The following CTNNAL1 variants were observed in gnomAD, a reference collection of about 807,000 sequenced individuals.
The protein encoded by CTNNAL1 is alpha-catulin.
Under a neutral mutation model 93.6 loss-of-function variants are expected in CTNNAL1, and 69 were observed. The ratio of observed to expected loss-of-function variants is 0.74; its 90% CI spans 0.61 to 0.90. The LOEUF (loss-of-function observed/expected upper bound fraction) is 0.90, where lower values mean the gene tolerates loss of function less well. CTNNAL1 is among the 40% of genes least tolerant of loss of function. The pLI is 0.00. For synonymous variants in CTNNAL1, 286 were observed against 305.4 expected (o/e 0.94, Z 0.66); for missense variants, 836 against 862.0 (o/e 0.97, Z 0.38).
intron 4 of CTNNAL1, among the ~76,000 whole-genome samples, chr9:108,987,118 A>C (rs1242960760): frequency 3.9e-5 from 6 of 152,076 alleles, no homozygotes; most frequent in Non-Finnish European, 8.8e-5. Context: ...CTATGTCCTG[A>C]ACGGTAATGC....
At chr9:109,006,621 CAG>C (rs1467978912) in intron 1 of CTNNAL1, among the ~76,000 whole-genome samples, 2 of 152,102 alleles carry the variant, frequency 1.3e-5, no homozygotes, top group African/African-American at 4.8e-5. Flanking sequence ...GCCCTGACAC[CAG>C]AGTCTAGAGA....
chr9:108,991,567 T>C (rs950105896), intron 3 of CTNNAL1, among the ~76,000 whole-genome samples: 1 of 152,162 alleles, frequency 6.6e-6, no homozygotes, highest in Non-Finnish European at 1.5e-5. Context: ...TATCCTCTGT[T>C]TACTTATTTT....
intron 11 of CTNNAL1, among the ~76,000 whole-genome samples, chr9:108,959,364 CAAAAAAAAAAAAAA>C (rs36116094): frequency 2.0e-3 from 112 of 55,844 alleles, no homozygotes; most frequent in African/African-American, 8.2e-3. Context: ...GACTCCATAT[CAAAAAAAAAAAAAA>C]AAAAAAAAAG....
At chr9:108,961,766 T>C (rs1830826009) in intron 11 of CTNNAL1, among the ~76,000 whole-genome samples, 1 of 152,218 alleles carries the variant, frequency 6.6e-6, no homozygotes, top group African/African-American at 2.4e-5. Context: ...GGGCAGGTAA[T>C]GTGCCCAGGA....
intron 1 of CTNNAL1, among the ~76,000 whole-genome samples, chr9:108,999,875 C>A (rs1248583074): frequency 1.2e-4 from 18 of 152,216 alleles, no homozygotes. Flanking sequence ...AAGGTGACAA[C>A]TTCAGCTCAC....
intron 8 of CTNNAL1, among the ~76,000 whole-genome samples, chr9:108,975,502 C>T (rs553605659): frequency 1.1e-3 from 170 of 152,182 alleles, no homozygotes; most frequent in Non-Finnish European, 1.9e-4. Context: ...TATGCCACAA[C>T]CTGACAAAAA....
At chr9:108,944,586 G>A (rs985826471) in intron 15 of CTNNAL1, among the ~76,000 whole-genome samples, 6 of 152,128 alleles carry the variant, frequency 3.9e-5, no homozygotes, top group African/African-American at 1.4e-4. Flanking sequence ...GGATGATGGA[G>A]AAGTAGAGTG....
chr9:108,965,689 A>G (rs936603058), intron 10 of CTNNAL1, among the ~76,000 whole-genome samples, 161 bp from the exon 11 acceptor site: 4 of 152,230 alleles, frequency 2.6e-5, no homozygotes, highest in African/African-American at 7.2e-5. Context: ...ATGAAGATGC[A>G]CAGTAGGACA....
intron 8 of CTNNAL1, 31 bp from the exon 9 acceptor site, chr9:108,972,864 G>GGCGCCCCCCC: frequency 2.8e-5 from 4 of 142,566 alleles, no homozygotes; most frequent in African/African-American, 9.6e-5. Context: ...GGGGGGGTGG[G>GGCGCCCCCCC]AGGGTGGAGA....
chr9:108,996,390 A>G (rs769716659), intron 2 of CTNNAL1, among the ~76,000 whole-genome samples: 11 of 152,184 alleles, frequency 7.2e-5, no homozygotes, highest in Non-Finnish European at 1.3e-4. Context: ...GAAGTCTTAA[A>G]TTTGTATGTG....
At chr9:108,999,011 C>A in intron 2 of CTNNAL1, 56 bp downstream of exon 2, 2 of 1,506,102 alleles carry the variant, frequency 1.3e-6, no homozygotes, top group South Asian at 2.8e-5. Context: ...AATTTTTCAT[C>A]ATAACCAAAG....
rs576355210 is a variant in CTNNAL1, at chr9:108,970,531, C to T, written c.1348-37G>A. The T allele has an allele frequency of 7.0e-5, 109 of 1,560,288 alleles. 2 individuals carry two copies. In the South Asian group the frequency reaches 1.2e-3, roughly 18 times the overall value. Reference sequence around the variant, plus strand: ...TATGTCTACAGTTTAACTTTCACATCCTCATCCTCCACAATACATAGTATC... The same window carrying T: ...TATGTCTACAGTTTAACTTTCACATTCTCATCCTCCACAATACATAGTATC... On this transcript the variant is annotated intron_variant, in intron 9 of 18. Coordinates refer to ENST00000325551, the MANE Select transcript of CTNNAL1 (RefSeq NM_003798.4).
At chr9:108,958,066 A>C (rs1205271914) in intron 11 of CTNNAL1, among the ~76,000 whole-genome samples, 2 of 115,118 alleles carry the variant, frequency 1.7e-5, no homozygotes, top group Non-Finnish European at 2.1e-5. Context: ...ACTGTCTCAA[A>C]AAAAAAAAAA....
intron 11 of CTNNAL1, among the ~76,000 whole-genome samples, chr9:108,956,117 A>G (rs555837491): frequency 6.6e-6 from 1 of 152,348 alleles, no homozygotes; most frequent in African/African-American, 2.4e-5. Flanking sequence ...ACTTGCAATC[A>G]GCTTCATTCA....
At chr9:108,967,166 GC>G (rs1357705384) in intron 10 of CTNNAL1, among the ~76,000 whole-genome samples, 1 of 152,130 alleles carries the variant, frequency 6.6e-6, no homozygotes, top group Non-Finnish European at 1.5e-5. Flanking sequence ...AAAAAATCAT[GC>G]TAGGTGCTGG....
rs532965752 is a variant in CTNNAL1 at position 108,995,258 on chromosome 9, A to C, written c.332-2439T>G. Reference sequence around the variant, plus strand: ...GGCAGGAGGAAAAGTATCAGTTTGCATCCTATCATTAATAGCTAAAAGGAT... The same window carrying C: ...GGCAGGAGGAAAAGTATCAGTTTGCCTCCTATCATTAATAGCTAAAAGGAT... On this transcript the variant is annotated intron_variant, in intron 2 of 18. Coordinates refer to ENST00000325551, the MANE Select transcript of CTNNAL1 (RefSeq NM_003798.4). 7.9e-5 allele frequency among the ~76,000 whole-genome samples: 12 copies of C among 152,342 alleles called. No homozygotes were observed. In the South Asian group the frequency reaches 2.5e-3, roughly 32 times the overall value.
At chr9:108,973,217 A>G (rs1464952902) in intron 8 of CTNNAL1, among the ~76,000 whole-genome samples, 1 of 152,140 alleles carries the variant, frequency 6.6e-6, no homozygotes, top group Non-Finnish European at 1.5e-5. Context: ...CTTTTCCCTT[A>G]GGTGAAAAAT....
At chr9:108,958,796 G>C (rs534490657) in intron 11 of CTNNAL1, among the ~76,000 whole-genome samples, 34 of 151,852 alleles carry the variant, frequency 2.2e-4, no homozygotes, top group Admixed American at 9.8e-4. Context: ...TGCAATCTCG[G>C]CTCACTGCAA....
At chr9:108,993,241 T>G (rs963904179) in intron 2 of CTNNAL1, among the ~76,000 whole-genome samples, 1 of 152,162 alleles carries the variant, frequency 6.6e-6, no homozygotes, top group South Asian at 2.1e-4. Flanking sequence ...TCACTGCCAA[T>G]CTCCACAAGC....
Sources: gnomAD v4.1 joint callset for allele counts (sites outside exome capture counted in the v4.1 genomes callset) on GRCh38, gnomAD v4.1.1 for gene constraint, MANE v1.5 for transcripts, NCBI Gene and HGNC (gene_info 2026-07-23, HGNC 2026-07-21) for gene names.